Variants in PCDHGA3 observed in about 807,000 individuals in gnomAD.
PCDHGA3 encodes protocadherin gamma-A3.
In PCDHGA3, 40 loss-of-function variants were observed where a neutral mutation model predicts 58.5. That is an observed-to-expected ratio of 0.68 (90% CI 0.53 to 0.89). PCDHGA3 has a LOEUF of 0.89. Ranked by LOEUF, PCDHGA3 falls within the 40% of genes least tolerant of loss-of-function variation. PCDHGA3 has a pLI of 0.00. For missense variants in PCDHGA3, 1,223 were observed against 1,195.9 expected, an observed-to-expected ratio of 1.02 and a Z score of -0.33; for synonymous variants, 530 against 525.7, an observed-to-expected ratio of 1.01 and a Z score of -0.11.
At chr5:141,440,113 G>A (rs1375262224) in intron 1 of PCDHGA3, 1 of 152,248 alleles carries the variant, frequency 6.6e-6, no homozygotes, top group Non-Finnish European at 1.5e-5. Context: ...ACTTACTTGT[G>A]AATGACTGAA....
chr5:141,444,152 ATTTTTTTTTTTTTTTTTTTTTTTTT>A (rs747671382), intron 1 of PCDHGA3, among the ~76,000 whole-genome samples: 1 of 33,882 alleles, frequency 3.0e-5, no homozygotes, highest in Non-Finnish European at 5.2e-5. Context: ...TGTGTACTGG[ATTTTTTTTTTTTTTTTTTTTTTTTT>A]TTTTTTTTTT....
chr5:141,375,624 T>G, intron 1 of PCDHGA3: 5 of 1,614,224 alleles, frequency 3.1e-6, no homozygotes, highest in Non-Finnish European at 3.4e-6. Flanking sequence ...ACTGGGATTC[T>G]GTACGCCCTG....
At chr5:141,417,941 A>T (rs1319967892) in intron 1 of PCDHGA3, 1 of 1,612,890 alleles carries the variant, frequency 6.2e-7, no homozygotes, top group South Asian at 1.1e-5. Context: ...GTTCTACCCC[A>T]CGCTGTGTGA....
At chr5:141,385,098 G>A (rs1175088584) in intron 1 of PCDHGA3, 2 of 1,614,080 alleles carry the variant, frequency 1.2e-6, no homozygotes, top group Non-Finnish European at 1.7e-6. Flanking sequence ...GTGGCTTGGC[G>A]AACGTGCCCA....
At chr5:141,463,165 C>G (rs1042153238) in intron 1 of PCDHGA3, among the ~76,000 whole-genome samples, 1 of 152,148 alleles carries the variant, frequency 6.6e-6, no homozygotes, top group Non-Finnish European at 1.5e-5. Context: ...TCAGTGCACT[C>G]TATGTATGCT....
At chr5:141,455,013 C>T (rs1468289988) in intron 1 of PCDHGA3, among the ~76,000 whole-genome samples, 2 of 151,130 alleles carry the variant, frequency 1.3e-5, no homozygotes, top group African/African-American at 4.9e-5. Context: ...GGGGTTTCAC[C>T]GTGTTAGCCA....
In PCDHGA3 at chr5:141,409,971, A is replaced by G. The variant is rs758876775; in HGVS notation, c.2424+63514A>G. On this transcript the variant is annotated intron_variant, in intron 1 of 3. Coordinates refer to ENST00000253812, the MANE Select transcript of PCDHGA3 (RefSeq NM_018916.4). ...GCAGAGCCCGGCTACCTAGTGACTAAGGTGGTAGCGGTGGACGCCGACTCG... is the reference window on the plus strand; with the variant it reads ...GCAGAGCCCGGCTACCTAGTGACTAGGGTGGTAGCGGTGGACGCCGACTCG... 2.9e-5 allele frequency: 47 copies of G among 1,613,202 alleles called. No homozygotes were observed. The highest frequency in any genetic ancestry group is 3.8e-5 in the Non-Finnish European group (45 of 1,179,806).
intron 1 of PCDHGA3, chr5:141,375,053 G>T: frequency 1.2e-6 from 2 of 1,614,046 alleles, no homozygotes; most frequent in South Asian, 2.2e-5. Context: ...AGCCCGGGAT[G>T]GGCCAGGTCT....
At position 141,430,919 on chromosome 5, in the gene PCDHGA3, C is replaced by A. The variant is rs377613499; in HGVS notation, c.2425-63888C>A. The A allele has an allele frequency of 6.2e-7, 1 of 1,607,492 alleles. No homozygotes were observed. Among genetic ancestry groups the A allele is most frequent in the Admixed American group, 1.7e-5 (1 of 58,806 alleles). The stretch of plus-strand genomic sequence containing the variant: ...GGGCGACATCTCCAGGGACCTGGGG[C>A]TGGAGCCCCGGGAGCTCGCGGAGCG... On this transcript the variant is annotated intron_variant, in intron 1 of 3. Transcript: ENST00000253812.
intron 1 of PCDHGA3, chr5:141,427,798 T>C: frequency 6.6e-7 from 1 of 1,506,550 alleles, no homozygotes; most frequent in South Asian, 1.1e-5. Flanking sequence ...TACGTGTCCG[T>C]GAGCGCACAG....
intron 1 of PCDHGA3, chr5:141,357,774 G>T: frequency 1.1e-6 from 1 of 919,942 alleles, no homozygotes; most frequent in Non-Finnish European, 1.6e-6. Flanking sequence ...TTCCAATAAT[G>T]ATCAACAGTA....
At position 141,344,363 on chromosome 5, in the gene PCDHGA3, T is replaced by C; in HGVS notation, c.330T>C (p.Val110=). 6.2e-7 allele frequency: 1 copy of C among 1,613,660 alleles called. No homozygotes were observed. Among genetic ancestry groups the C allele is most frequent in the East Asian group, 2.2e-5 (1 of 44,874 alleles). ...PLCLVKINIL[V]EDKLKIFEVE... ...GTCTGGTAAAAATTAACATTCTGGT[T>C]GAGGATAAATTGAAAATTTTTGAAG... The change falls in exon 1 of 4, where the codon GTT becomes GTC. Residue 110 remains valine, a synonymous_variant. Coordinates refer to ENST00000253812, the MANE Select transcript of PCDHGA3 (RefSeq NM_018916.4).
At position 141,431,262 on chromosome 5, in the gene PCDHGA3, A is replaced by G. The variant is rs371663018; in HGVS notation, c.2425-63545A>G. The stretch of plus-strand genomic sequence containing the variant: ...CCGGATATCGGGAAGAACTCTCTGC[A>G]GAGCTACGAGCTCAGCCCGAACACT... On this transcript the variant is annotated intron_variant, in intron 1 of 3. Coordinates refer to ENST00000253812, the MANE Select transcript of PCDHGA3 (RefSeq NM_018916.4). The surrounding 1 kb of genome is among the most constrained non-coding windows in gnomAD (Gnocchi z 4.8). The G allele has an allele frequency of 2.6e-5, 42 of 1,614,184 alleles. No homozygotes were observed. In the African/African-American group the frequency reaches 2.7e-4, roughly 10 times the overall value.
chr5:141,497,793 G>A (rs2099779480), intron 2 of PCDHGA3, among the ~76,000 whole-genome samples: 1 of 152,180 alleles, frequency 6.6e-6, no homozygotes, highest in Admixed American at 6.5e-5. Flanking sequence ...ACCTGCTTCA[G>A]CTTCCCAAAG....
chr5:141,426,882 C>T, intron 1 of PCDHGA3: 1 of 456,664 alleles, frequency 2.2e-6, no homozygotes, highest in South Asian at 1.5e-5. Flanking sequence ...GCCCCTGGGC[C>T]AGGAGCAACA....
intron 1 of PCDHGA3, chr5:141,365,210 C>A: frequency 1.2e-6 from 2 of 1,613,928 alleles, no homozygotes; most frequent in Non-Finnish European, 1.7e-6. Flanking sequence ...GACTTTCCAA[C>A]TTGATTCCAA....
chr5:141,400,011 G>A (rs200842238), intron 1 of PCDHGA3: 35 of 1,612,624 alleles, frequency 2.2e-5, no homozygotes, highest in African/African-American at 4.0e-5. Context: ...CGCGTGCCTT[G>A]GGCGACAGGG....
chr5:141,481,622 G>A (rs957374253), intron 1 of PCDHGA3, among the ~76,000 whole-genome samples: 6 of 151,854 alleles, frequency 4.0e-5, no homozygotes, highest in African/African-American at 1.2e-4. Flanking sequence ...GTTCAAGACC[G>A]GCCTGGCCAA....
At chr5:141,367,387 A>C (rs1765092239) in intron 1 of PCDHGA3, 1 of 152,180 alleles carries the variant, frequency 6.6e-6, no homozygotes, top group African/African-American at 2.4e-5. Flanking sequence ...AATACAAAAA[A>C]TTAGCCGGGC....
Sources: gnomAD v4.1 joint callset for allele counts (sites outside exome capture counted in the v4.1 genomes callset) on GRCh38, gnomAD v4.1.1 for gene constraint, Gnocchi (gnomAD v3.1) non-coding constraint, MANE v1.5 for transcripts, NCBI Gene and HGNC (gene_info 2026-07-23, HGNC 2026-07-21) for gene names.